The following BCAS3 variants were observed in gnomAD, a reference collection of about 807,000 sequenced individuals.
BCAS3 encodes BCAS4/BCAS3 fusion.
Under a neutral mutation model 116.1 loss-of-function variants are expected in BCAS3, and 53 were observed. That is an observed-to-expected ratio of 0.46 (90% CI 0.37 to 0.57). BCAS3 has a LOEUF of 0.57. Ranked by LOEUF, BCAS3 falls within the 20% of genes least tolerant of loss-of-function variation. BCAS3 has a pLI of 0.00. For synonymous variants in BCAS3, 391 were observed against 408.2 expected (o/e 0.96, Z 0.51); for missense variants, 917 against 1,165.4 (o/e 0.79, Z 3.10).
At chr17:61,067,289 A>G (rs1169365720) in intron 19 of BCAS3, among the ~76,000 whole-genome samples, 9 of 123,886 alleles carry the variant, frequency 7.3e-5, no homozygotes, top group African/African-American at 2.5e-4. Flanking sequence ...ATATATATAT[A>G]TATATATATA....
intron 10 of BCAS3, 129 bp from the exon 11 acceptor site, chr17:60,902,491 T>C (rs1297098006): frequency 2.2e-5 from 16 of 732,138 alleles, no homozygotes; most frequent in Non-Finnish European, 3.7e-5. Flanking sequence ...TTGTCTGAAA[T>C]ACACTCATGC....
At chr17:60,730,259 GA>G (rs1279999071) in intron 5 of BCAS3, among the ~76,000 whole-genome samples, 4 of 152,196 alleles carry the variant, frequency 2.6e-5, no homozygotes, top group African/African-American at 9.7e-5. Context: ...CTGGAAGTAT[GA>G]AAATATGATT....
At chr17:60,801,304 G>T (rs112546221) in intron 6 of BCAS3, among the ~76,000 whole-genome samples, 9,066 of 152,016 alleles carry the variant, frequency 0.06, 334 homozygotes, top group Non-Finnish European at 0.084. Context: ...CAATTTTCAT[G>T]TGTCCATGAT....
At chr17:61,109,925 G>A (rs2074944807) in intron 22 of BCAS3, among the ~76,000 whole-genome samples, 1 of 152,164 alleles carries the variant, frequency 6.6e-6, no homozygotes. Context: ...CTTTTGCTGT[G>A]CAGAAGCTTT....
intron 19 of BCAS3, among the ~76,000 whole-genome samples, chr17:61,053,805 C>G (rs959015496): frequency 2.2e-4 from 33 of 152,336 alleles, no homozygotes; most frequent in Non-Finnish European, 2.8e-4. Flanking sequence ...GTGTGTCATA[C>G]TGCTCTCTCC....
intron 19 of BCAS3, among the ~76,000 whole-genome samples, chr17:61,062,573 A>AT: frequency 6.6e-6 from 1 of 152,348 alleles, no homozygotes. Flanking sequence ...AGTAGAACAC[A>AT]TTAAGTAGAT....
chr17:61,310,544 A>G (rs1317483233), intron 22 of BCAS3, among the ~76,000 whole-genome samples: 1 of 138,840 alleles, frequency 7.2e-6, no homozygotes, highest in Non-Finnish European at 1.5e-5. Context: ...ACAGAGTGAG[A>G]CTCTGTCTCA....
In BCAS3 at chr17:61,286,975, G is replaced by A. The variant is rs1308980696; in HGVS notation, c.2426-81352G>A. On this transcript the variant is annotated intron_variant, in intron 22 of 23. Transcript: ENST00000407086. The surrounding 1 kb of genome is among the most constrained non-coding windows in gnomAD (Gnocchi z 4.8). ...CTAAAGAGCTCTATGGAGGCCAGGCGTGGTGGCTCGCGCCTGTAATCCCAG... is the reference window on the plus strand; with the variant it reads ...CTAAAGAGCTCTATGGAGGCCAGGCATGGTGGCTCGCGCCTGTAATCCCAG... 2.0e-5 allele frequency among the ~76,000 whole-genome samples: 3 copies of A among 152,186 alleles called. No individual in the cohort carries two copies. Among genetic ancestry groups the A allele is most frequent in the African/African-American group, 2.4e-5 (1 of 41,448 alleles).
At chr17:61,328,532 C>T (rs1004607807) in intron 22 of BCAS3, among the ~76,000 whole-genome samples, 1 of 152,094 alleles carries the variant, frequency 6.6e-6, no homozygotes, top group African/African-American at 2.4e-5. Flanking sequence ...TTTGTGAGGC[C>T]GAGGCTGGCG....
rs558535126 is a variant in BCAS3 at position 61,141,368 on chromosome 17, G to A, written c.2425+56804G>A. Among the ~76,000 whole-genome samples the A allele has an allele frequency of 6.6e-6, 1 of 152,046 alleles. No homozygotes were observed. The highest frequency in any genetic ancestry group is 2.4e-5 in the African/African-American group (1 of 41,460). The stretch of plus-strand genomic sequence containing the variant: ...AGACCAGGAATTTGAGACCAGTCTG[G>A]GCAACATACCAAGACTCTGTCTACA... On this transcript the variant is annotated intron_variant, in intron 22 of 23. Coordinates refer to ENST00000407086, the MANE Select transcript of BCAS3 (RefSeq NM_017679.5). The surrounding 1 kb of genome is among the most constrained non-coding windows in gnomAD (Gnocchi z 4.3).
At chr17:60,685,960 C>T (rs887572237) in intron 3 of BCAS3, among the ~76,000 whole-genome samples, 1 of 151,532 alleles carries the variant, frequency 6.6e-6, no homozygotes, top group African/African-American at 2.4e-5. Context: ...AGCTCTGCCT[C>T]CCGGGTTCAT....
intron 6 of BCAS3, among the ~76,000 whole-genome samples, chr17:60,803,608 C>G (rs992215803): frequency 6.6e-6 from 1 of 151,972 alleles, no homozygotes; most frequent in Non-Finnish European, 1.5e-5. Context: ...CATCTTAACT[C>G]AGAAGTTGAA....
chr17:61,214,411 G>A lies in BCAS3; in HGVS notation c.2425+129847G>A, dbSNP rs976873824. 1.3e-5 allele frequency among the ~76,000 whole-genome samples: 2 copies of A among 148,576 alleles called. No individual in the cohort carries two copies. The highest frequency in any genetic ancestry group is 2.9e-5 in the Non-Finnish European group (2 of 67,932). ...AATAAATAAATATTTTAGGCTGGGC[G>A]CAGTGGCTCATGCCTGTAATCCCAG... On this transcript the variant is annotated intron_variant, in intron 22 of 23. Coordinates refer to ENST00000407086, the MANE Select transcript of BCAS3 (RefSeq NM_017679.5). This position sits in a 1 kb window ranked among gnomAD's most constrained non-coding sequence, Gnocchi z 4.4.
chr17:60,935,257 A>G lies in BCAS3; in HGVS notation c.1087+10757A>G, dbSNP rs116198556. Among the ~76,000 whole-genome samples the G allele has an allele frequency of 6.6e-3, 999 of 152,338 alleles. 17 individuals carry two copies. The highest frequency in any genetic ancestry group is 0.035 in the East Asian group (182 of 5,190). ...AAGAAAGTGGAAGTAATGTTTATCAATTAGAATTGAGAATTAATAAATGTG... is the reference window on the plus strand; with the variant it reads ...AAGAAAGTGGAAGTAATGTTTATCAGTTAGAATTGAGAATTAATAAATGTG... On this transcript the variant is annotated intron_variant, in intron 13 of 23. Coordinates refer to ENST00000407086, the MANE Select transcript of BCAS3 (RefSeq NM_017679.5).
rs1300327660 is a variant in BCAS3, at chr17:61,204,978, G to C, written c.2425+120414G>C. Among the ~76,000 whole-genome samples the C allele has an allele frequency of 3.9e-5, 6 of 152,160 alleles. No individual in the cohort carries two copies. The highest frequency in any genetic ancestry group is 8.8e-5 in the Non-Finnish European group (6 of 68,026). On this transcript the variant is annotated intron_variant, in intron 22 of 23. Transcript: ENST00000407086. The surrounding 1 kb of genome is among the most constrained non-coding windows in gnomAD (Gnocchi z 4.2). ...GAAGTGGAAGGATCACCTGAGCCCAGAGAGGTTGAGGCTGCAGTGAGCCAT... is the reference window on the plus strand; with the variant it reads ...GAAGTGGAAGGATCACCTGAGCCCACAGAGGTTGAGGCTGCAGTGAGCCAT...
At chr17:60,943,923 A>T (rs1246261442) in intron 13 of BCAS3, among the ~76,000 whole-genome samples, 1 of 152,138 alleles carries the variant, frequency 6.6e-6, no homozygotes, top group Admixed American at 6.5e-5. Context: ...ACTAGGAAAC[A>T]TTTAAAACTG....
chr17:61,086,431 G>T (rs2073098872), intron 22 of BCAS3, among the ~76,000 whole-genome samples: 1 of 152,202 alleles, frequency 6.6e-6, no homozygotes, highest in Non-Finnish European at 1.5e-5. Context: ...TTAGCTGTAT[G>T]TAAAGTCATC....
rs2073935368 is a variant in BCAS3 at position 61,095,863 on chromosome 17, A to C, written c.2425+11299A>C. Among the ~76,000 whole-genome samples, 1 of 152,066 alleles carries C rather than the reference A, an allele frequency of 6.6e-6. No individual in the cohort carries two copies. The highest frequency in any genetic ancestry group is 2.1e-4 in the South Asian group (1 of 4,828). On this transcript the variant is annotated intron_variant, in intron 22 of 23. Coordinates refer to ENST00000407086, the MANE Select transcript of BCAS3 (RefSeq NM_017679.5). This position sits in a 1 kb window ranked among gnomAD's most constrained non-coding sequence, Gnocchi z 4.7. ...TTCTCGTACACACACACACACACAC[A>C]CACACACACATTAAATTACTAGTTT...
Position 61,329,631 on chromosome 17 carries a change from A to G in BCAS3, c.2426-38696A>G, listed in dbSNP as rs146460507. Among the ~76,000 whole-genome samples, 969 of 152,288 alleles carry G rather than the reference A, an allele frequency of 6.4e-3. 5 individuals are homozygous for G. The highest frequency in any genetic ancestry group is 0.022 in the African/African-American group (910 of 41,558). ...GCTGGGATTACAGGCGTGAGCCACC[A>G]TGCCCGGCCTATGTTGTTATTTTTC... On this transcript the variant is annotated intron_variant, in intron 22 of 23. Coordinates refer to ENST00000407086, the MANE Select transcript of BCAS3 (RefSeq NM_017679.5).
Sources: allele counts gnomAD v4.1 joint callset (sites outside exome capture counted in the v4.1 genomes callset), GRCh38; gene constraint gnomAD v4.1.1; non-coding constraint Gnocchi (gnomAD v3.1); transcripts MANE v1.5; gene names NCBI Gene and HGNC (gene_info 2026-07-23, HGNC 2026-07-21).